The following CEACAM20 variants were observed in gnomAD, a reference collection of about 807,000 sequenced individuals.
CEACAM20 encodes the protein CEA cell adhesion molecule 20, also known as cell adhesion molecule CEACAM20.
Under a neutral mutation model 61.2 loss-of-function variants are expected in CEACAM20, and 50 were observed. The observed-to-expected ratio is 0.82, with a 90% confidence interval of 0.65 to 1.03. The LOEUF is 1.03. Among genes scored for constraint, CEACAM20 ranks in the 50% least tolerant of loss-of-function variants. The pLI is 0.00. For missense variants in CEACAM20, 683 were observed against 736.4 expected, an observed-to-expected ratio of 0.93 and a Z score of 0.84; for synonymous variants, 282 against 287.7, an observed-to-expected ratio of 0.98 and a Z score of 0.20.
intron 4 of CEACAM20, among the ~76,000 whole-genome samples, chr19:44,521,073 T>C (rs929455237): frequency 6.6e-6 from 1 of 151,804 alleles, no homozygotes; most frequent in African/African-American, 2.4e-5. Context: ...GGTACACATA[T>C]GCACTTTGTA....
intron 6 of CEACAM20, among the ~76,000 whole-genome samples, chr19:44,513,972 G>A (rs1248585705): frequency 1.3e-5 from 2 of 152,168 alleles, no homozygotes; most frequent in African/African-American, 4.8e-5. Context: ...ATCAGTAAAT[G>A]TTGGCCATGA....
At chr19:44,523,035 G>A (rs937902776) in intron 3 of CEACAM20, 123 bp from the exon 4 acceptor site, 6 of 826,886 alleles carry the variant, frequency 7.3e-6, no homozygotes, top group Non-Finnish European at 1.1e-5. Flanking sequence ...TAGATCAATT[G>A]CAAACGAGGT....
chr19:44,520,170 C>G (rs1478193827), intron 5 of CEACAM20, among the ~76,000 whole-genome samples: 1 of 152,220 alleles, frequency 6.6e-6, no homozygotes, highest in African/African-American at 2.4e-5. Flanking sequence ...AACTCCTTCT[C>G]TCACTCCCCC....
rs1437725062 is a variant in CEACAM20 at position 44,518,232 on chromosome 19, GAGAAAGGA to G, written c.1031-1016_1031-1009del. Among the ~76,000 whole-genome samples, 338 of 120,192 alleles carry G rather than the reference GAGAAAGGA, an allele frequency of 2.8e-3. 3 individuals carry two copies. Among genetic ancestry groups the G allele is most frequent in the African/African-American group, 0.013 (331 of 25,724 alleles). The allele number at this position is 120,192 out of a possible 152,430, so 78.9% of individuals were successfully genotyped here. ...AAGGAAGGAAGGAGAGAGAGAGAGA[GAGAAAGGA>G]AGGAAGGAAGGAAGGAAGGAAAGGA... On this transcript the variant is annotated intron_variant, in intron 5 of 11. Transcript: ENST00000614924.
intron 6 of CEACAM20, among the ~76,000 whole-genome samples, chr19:44,515,382 T>C (rs1971127036): frequency 6.6e-6 from 1 of 152,132 alleles, no homozygotes; most frequent in African/African-American, 2.4e-5. Flanking sequence ...TGTTGCTCCA[T>C]CCATCAAATG....
chr19:44,509,044 A>G (rs538883973), intron 11 of CEACAM20, among the ~76,000 whole-genome samples: 1 of 152,330 alleles, frequency 6.6e-6, no homozygotes, highest in Admixed American at 6.5e-5. Context: ...ACTATTTAGG[A>G]ATGTAACTGA....
At position 44,529,509 on chromosome 19, in the gene CEACAM20, TG is replaced by T. The variant is rs1971651458; in HGVS notation, c.-1del. On this transcript the variant is annotated 5_prime_UTR_variant, in exon 1 of 12. Transcript: ENST00000614924. ...TGTCCCCATGAGTCAGCAGGCCCCA[TG>T]GGTCCCGGCACCTGACTTCAGTGTG... 1 of 1,613,618 alleles carries T rather than the reference TG, an allele frequency of 6.2e-7. No individual in the cohort carries two copies. Among genetic ancestry groups the T allele is most frequent in the South Asian group, 1.1e-5 (1 of 91,058 alleles).
intron 4 of CEACAM20, among the ~76,000 whole-genome samples, chr19:44,521,422 T>TC (rs745485037): frequency 4.2e-4 from 64 of 152,264 alleles, no homozygotes; most frequent in Non-Finnish European, 7.4e-4. Context: ...TGTGAGTGTG[T>TC]CATGTATATG....
chr19:44,529,391 CA>C lies in CEACAM20; in HGVS notation c.52+66del, dbSNP rs1971644506. Reference sequence around the variant, plus strand: ...ACACACACACACACACACACACACACACACCGCTGACAAATAGATGCATACA... The same window carrying C: ...ACACACACACACACACACACACACACCACCGCTGACAAATAGATGCATACA... On this transcript the variant is annotated intron_variant, in intron 1 of 11. Coordinates refer to ENST00000614924, the MANE Select transcript of CEACAM20 (RefSeq NM_001102597.3). The C allele has an allele frequency of 3.1e-5, 39 of 1,265,622 alleles. No individual in the cohort carries two copies. The Middle Eastern group carries it at 5.8e-4, about 19-fold the overall frequency. The allele number at this position is 1,265,622 out of a possible 1,614,324, so 78.4% of individuals were successfully genotyped here.
intron 2 of CEACAM20, 122 bp from the exon 3 acceptor site, chr19:44,524,383 T>C: frequency 1.8e-6 from 2 of 1,086,414 alleles, no homozygotes; most frequent in Non-Finnish European, 2.6e-6. Flanking sequence ...CTCTCTGGAG[T>C]TGGATGCCTG....
rs368941407 is a variant in CEACAM20 at position 44,522,643 on chromosome 19, G to A, written c.742C>T (p.Arg248Ter). Residue 248 changes from arginine to a stop codon, truncating the protein, a stop_gained, in exon 4 of 12, where the codon CGA becomes TGA. Coordinates refer to ENST00000614924, the MANE Select transcript of CEACAM20 (RefSeq NM_001102597.3). LOFTEE classifies it high-confidence loss of function. Reference protein sequence around the residue: ...HLSSLGTLKVRVLETLTMPQV... With the variant: ...HLSSLGTLKV ...GGGAAAGGAGACTCACCAAGTACTC[G>A]GACCTTCAGAGTACCCAGGCTGGAC... 19 of 1,612,790 alleles carry A rather than the reference G, an allele frequency of 1.2e-5. No individual in the cohort carries two copies. Among genetic ancestry groups the A allele is most frequent in the African/African-American group, 1.1e-4 (8 of 74,996 alleles).
rs868361128 is a variant in CEACAM20 at position 44,524,137 on chromosome 19, G to A, written c.321C>T (p.Ser107=). 9 of 1,613,174 alleles carry A rather than the reference G, an allele frequency of 5.6e-6. No homozygotes were observed. In the East Asian group the frequency reaches 6.7e-5, roughly 12 times the overall value. The stretch of plus-strand genomic sequence containing the variant: ...GCTGCATGCGCTCATGGAACACAAT[G>A]GAGAGGTTGTTGGAAACCCAGTGGA... ...ITIHWVSNNL[S]IVFHERMQLS... is the part of the protein sequence containing the mutation. Residue 107 remains serine (S), a synonymous_variant, in exon 3 of 12, where the codon TCC becomes TCT. Transcript: ENST00000614924.
chr19:44,529,353 T>TGCAC (rs1971640693), intron 1 of CEACAM20, 105 bp downstream of exon 1: 1 of 836,182 alleles, frequency 1.2e-6, no homozygotes, highest in African/African-American at 3.2e-5. Flanking sequence ...TTTCCTCGAG[T>TGCAC]GCACACACAC....
At chr19:44,518,716 A>T (rs959399204) in intron 5 of CEACAM20, among the ~76,000 whole-genome samples, 6 of 152,010 alleles carry the variant, frequency 3.9e-5, no homozygotes, top group African/African-American at 9.7e-5. Context: ...CCTAAACATC[A>T]TTTGAACCTG....
intron 1 of CEACAM20, among the ~76,000 whole-genome samples, chr19:44,528,426 A>T (rs937578386): frequency 1.3e-5 from 2 of 152,002 alleles, no homozygotes; most frequent in African/African-American, 2.4e-5. Flanking sequence ...CGGTTTCACC[A>T]TCTTGGCTAG....
intron 6 of CEACAM20, 80 bp downstream of exon 6, chr19:44,516,866 T>G (rs944385140): frequency 1.3e-6 from 2 of 1,481,976 alleles, no homozygotes; most frequent in African/African-American, 2.8e-5. Flanking sequence ...CAGCCCTCGG[T>G]AGGGGTAGAC....
At chr19:44,511,487 A>G in intron 10 of CEACAM20, 150 bp downstream of exon 10, 1 of 793,278 alleles carries the variant, frequency 1.3e-6, no homozygotes, top group Non-Finnish European at 2.0e-6. Flanking sequence ...GCTCTCTGTG[A>G]GGCCTTAGGC....
chr19:44,514,351 C>T (rs1971093733), intron 6 of CEACAM20, among the ~76,000 whole-genome samples: 1 of 152,104 alleles, frequency 6.6e-6, no homozygotes, highest in African/African-American at 2.4e-5. Flanking sequence ...AAGAACACAG[C>T]TACAAGGATC....
chr19:44,510,552 GAAA>G (rs1834258415), intron 11 of CEACAM20, among the ~76,000 whole-genome samples: 8 of 21,562 alleles, frequency 3.7e-4, no homozygotes, highest in African/African-American at 1.2e-3. Flanking sequence ...AGGAAGGAAA[GAAA>G]GAAAGAAAGA....
Sources: gnomAD v4.1 joint callset for allele counts (sites outside exome capture counted in the v4.1 genomes callset) on GRCh38, gnomAD v4.1.1 for gene constraint, MANE v1.5 for transcripts, NCBI Gene and HGNC (gene_info 2026-07-23, HGNC 2026-07-21) for gene names.